ATXN7L2: variants seen among roughly 807,000 people sequenced by gnomAD.
ATXN7L2 encodes ataxin-7-like protein 2.
A neutral mutation model predicts 59.6 loss-of-function variants in ATXN7L2; 17 were observed. The observed-to-expected ratio is 0.29, with a 90% CI of 0.20 to 0.43. The LOEUF is 0.43. ATXN7L2 is among the 20% of genes least tolerant of loss of function. ATXN7L2 has a pLI of 1.00. For synonymous variants in ATXN7L2, 378 were observed against 392.5 expected (o/e 0.96, Z 0.44); for missense variants, 858 against 1,008.9 (o/e 0.85, Z 2.03).
chr1:109,490,470 C>G, intron 9 of ATXN7L2, 78 bp downstream of exon 9: 4 of 1,550,374 alleles, frequency 2.6e-6, no homozygotes, highest in Non-Finnish European at 3.5e-6. Flanking sequence ...TTCAGAAGCC[C>G]TGATCTTTCC....
At chr1:109,484,272 T>C (rs2101018061) in intron 1 of ATXN7L2, among the ~76,000 whole-genome samples, 192 bp downstream of exon 1, 1 of 151,838 alleles carries the variant, frequency 6.6e-6, no homozygotes, top group Middle Eastern at 3.5e-3. Context: ...TAGCGCCTGC[T>C]CACCGCTCGC....
At position 109,488,650 on chromosome 1, in the gene ATXN7L2, G is replaced by A. The variant is rs927548381; in HGVS notation, c.879+185G>A. Among the ~76,000 whole-genome samples the A allele has an allele frequency of 4.6e-5, 7 of 152,198 alleles. No homozygotes were observed. The highest frequency in any genetic ancestry group is 1.7e-4 in the African/African-American group (7 of 41,446). The stretch of plus-strand genomic sequence containing the variant: ...CAGAAGGTGGGAACAGTGGGAAGGA[G>A]GGAGTTTCCAGATTCCCCCATCCCA... On this transcript the variant is annotated intron_variant, in intron 6 of 10. Coordinates refer to ENST00000683729, the MANE Select transcript of ATXN7L2 (RefSeq NM_001350175.2). The surrounding 1 kb of genome is among the most constrained non-coding windows in gnomAD (Gnocchi z 5.0).
Position 109,486,272 on chromosome 1 carries a change from C to T in ATXN7L2, c.193+150C>T. On this transcript the variant is annotated intron_variant, in intron 2 of 10. Transcript: ENST00000683729. This position sits in a 1 kb window ranked among gnomAD's most constrained non-coding sequence, Gnocchi z 4.3. Reference sequence around the variant, plus strand: ...TCCGAGTCGGCCGGTTGTTCTGGCTCCTGTGACCTGTCGTTGGAGATCATA... The same window carrying T: ...TCCGAGTCGGCCGGTTGTTCTGGCTTCTGTGACCTGTCGTTGGAGATCATA... The T allele has an allele frequency of 1.6e-6, 2 of 1,247,866 alleles. No individual in the cohort carries two copies. Among genetic ancestry groups the T allele is most frequent in the Non-Finnish European group, 1.1e-6 (1 of 925,230 alleles). The allele number at this position is 1,247,866 out of a possible 1,614,324, so 77.3% of individuals were successfully genotyped here. A position where few individuals can be genotyped will look rare whatever the true frequency, so the allele number is the denominator to read the frequency against.
Position 109,490,970 on chromosome 1 carries a change from G to A in ATXN7L2, c.1503G>A (p.Pro501=), listed in dbSNP as rs139823213. Reference sequence around the variant, plus strand: ...CTCCAGCTCACCTTGTCAACTCCCCGTTATCTGCTCCCCTGAGCCCATCCT... The same window carrying A: ...CTCCAGCTCACCTTGTCAACTCCCCATTATCTGCTCCCCTGAGCCCATCCT... ...AEPPAHLVNS[P]LSAPLSPSST... is the part of the protein sequence containing the mutation. The change falls in exon 10 of 11, where the codon CCG becomes CCA. Residue 501 remains proline (P), a synonymous_variant. Transcript: ENST00000683729. The A allele has an allele frequency of 1.5e-4, 246 of 1,594,378 alleles. No individual in the cohort carries two copies. The highest frequency in any genetic ancestry group is 1.9e-4 in the Non-Finnish European group (224 of 1,168,998).
rs530559720 is a variant in ATXN7L2 at position 109,488,768 on chromosome 1, C to T, written c.880-79C>T. ...CTCTCTCCCTGCCCCCCAACTTGCCCGGGCCAAAGCACCCTGCCGTCCCTC... is the reference window on the plus strand; with the variant it reads ...CTCTCTCCCTGCCCCCCAACTTGCCTGGGCCAAAGCACCCTGCCGTCCCTC... On this transcript the variant is annotated intron_variant, in intron 6 of 10. Transcript: ENST00000683729. The surrounding 1 kb of genome is among the most constrained non-coding windows in gnomAD (Gnocchi z 5.0). The T allele has an allele frequency of 1.1e-3, 1,652 of 1,509,866 alleles. 7 individuals carry two copies. Among genetic ancestry groups the T allele is most frequent in the Non-Finnish European group, 9.7e-4 (1,079 of 1,112,772 alleles). The allele number at this position is 1,509,866 out of a possible 1,614,324, so 93.5% of individuals were successfully genotyped here. A position where few individuals can be genotyped will look rare whatever the true frequency, so the allele number is the denominator to read the frequency against.
At chr1:109,489,378 C>A (rs1173870338) in intron 7 of ATXN7L2, 5 of 483,946 alleles carry the variant, frequency 1.0e-5, no homozygotes, top group Non-Finnish European at 1.8e-5. Context: ...CGAAACTTGT[C>A]ACTGGGGAGC....
intron 7 of ATXN7L2, chr1:109,489,634 T>G: frequency 2.1e-6 from 1 of 485,534 alleles, no homozygotes. Context: ...CTGGGTACAG[T>G]TTTAACTGTG....
chr1:109,492,020 A>G lies in ATXN7L2; in HGVS notation c.2250+303A>G, dbSNP rs1023264345. 2.6e-6 allele frequency: 3 copies of G among 1,171,202 alleles called. No homozygotes were observed. In the African/African-American group the frequency reaches 4.7e-5, roughly 18 times the overall value. The allele number at this position is 1,171,202 out of a possible 1,614,324, so 72.6% of individuals were successfully genotyped here. On this transcript the variant is annotated intron_variant, in intron 10 of 10. Transcript: ENST00000683729. The stretch of plus-strand genomic sequence containing the variant: ...TCTTTCTGAATTGGCTGTGACCCTC[A>G]TTCCAGGTACTGGAGCTACCTCTGT...
chr1:109,491,776 C>T lies in ATXN7L2; in HGVS notation c.2250+59C>T. The T allele has an allele frequency of 6.8e-7, 1 of 1,469,400 alleles. No individual in the cohort carries two copies. The highest frequency in any genetic ancestry group is 9.1e-7 in the Non-Finnish European group (1 of 1,100,862). 91.0% of individuals were successfully genotyped at this position (1,469,400 alleles called of 1,614,324 possible). Reference sequence around the variant, plus strand: ...TGGGGCACACAGGGGGTACCTGATACAGAGAAGATGCTACATTGGTGTTTG... The same window carrying T: ...TGGGGCACACAGGGGGTACCTGATATAGAGAAGATGCTACATTGGTGTTTG... On this transcript the variant is annotated intron_variant, in intron 10 of 10. Transcript: ENST00000683729. The surrounding 1 kb of genome is among the most constrained non-coding windows in gnomAD (Gnocchi z 4.1).
chr1:109,486,632 A>G lies in ATXN7L2; in HGVS notation c.298+22A>G, dbSNP rs2101024958. On this transcript the variant is annotated intron_variant, in intron 3 of 10. Coordinates refer to ENST00000683729, the MANE Select transcript of ATXN7L2 (RefSeq NM_001350175.2). The surrounding 1 kb of genome is among the most constrained non-coding windows in gnomAD (Gnocchi z 4.3). ...TGCGGTGAGGGGAGCCCTAGGGAGGAGATAAAGGGACAGGGGAAGGTGGAG... is the reference window on the plus strand; with the variant it reads ...TGCGGTGAGGGGAGCCCTAGGGAGGGGATAAAGGGACAGGGGAAGGTGGAG... The G allele has an allele frequency of 6.3e-7, 1 of 1,589,442 alleles. No homozygotes were observed. The highest frequency in any genetic ancestry group is 2.2e-5 in the East Asian group (1 of 44,710).
chr1:109,484,183 C>T (rs1430521022), intron 1 of ATXN7L2, 103 bp downstream of exon 1: 4 of 1,150,992 alleles, frequency 3.5e-6, no homozygotes, highest in African/African-American at 3.3e-5. Flanking sequence ...AGCCGCCGTC[C>T]GGCTCCCCGG....
chr1:109,484,206 A>C, intron 1 of ATXN7L2, 126 bp downstream of exon 1: 2 of 1,028,702 alleles, frequency 1.9e-6, no homozygotes, highest in Non-Finnish European at 2.5e-6. Flanking sequence ...CCCCAAACAA[A>C]GGACCCGCCG....
chr1:109,489,449 C>T (rs1557871525), intron 7 of ATXN7L2: 3 of 355,018 alleles, frequency 8.5e-6, no homozygotes, highest in South Asian at 8.2e-5. Flanking sequence ...GGCCCCTTCG[C>T]GTGCAGAGGC....
rs1277122534 is a variant in ATXN7L2 at position 109,491,916 on chromosome 1, CT to C, written c.2250+200del. 2 of 1,218,508 alleles carry C rather than the reference CT, an allele frequency of 1.6e-6. No homozygotes were observed. Among genetic ancestry groups the C allele is most frequent in the Admixed American group, 3.0e-5 (1 of 33,754 alleles). The allele number at this position is 1,218,508 out of a possible 1,614,324, so 75.5% of individuals were successfully genotyped here. On this transcript the variant is annotated intron_variant, in intron 10 of 10. Coordinates refer to ENST00000683729, the MANE Select transcript of ATXN7L2 (RefSeq NM_001350175.2). This position sits in a 1 kb window ranked among gnomAD's most constrained non-coding sequence, Gnocchi z 4.1. ...AGCTTTTTGCCTGGTGAACCTTCCC[CT>C]ATCCCTAACCCTTTCCCTTGGGCTG...
rs1423328681 is a variant in ATXN7L2 at position 109,491,792 on chromosome 1, T to C, written c.2250+75T>C. 3 of 1,431,896 alleles carry C rather than the reference T, an allele frequency of 2.1e-6. No individual in the cohort carries two copies. The highest frequency in any genetic ancestry group is 1.4e-5 in the African/African-American group (1 of 69,670). The allele number at this position is 1,431,896 out of a possible 1,614,324, so 88.7% of individuals were successfully genotyped here. A position where few individuals can be genotyped will look rare whatever the true frequency, so the allele number is the denominator to read the frequency against. ...TACCTGATACAGAGAAGATGCTACATTGGTGTTTGTGCAGGGAAAGGGAGG... is the reference window on the plus strand; with the variant it reads ...TACCTGATACAGAGAAGATGCTACACTGGTGTTTGTGCAGGGAAAGGGAGG... On this transcript the variant is annotated intron_variant, in intron 10 of 10. Transcript: ENST00000683729. The surrounding 1 kb of genome is among the most constrained non-coding windows in gnomAD (Gnocchi z 4.1).
rs1243352597 is a variant in ATXN7L2, at chr1:109,489,990, C to G, written c.1194C>G (p.Asp398Glu). Residue 398 changes from aspartate to glutamate, a missense_variant, in exon 8 of 11, where the codon GAC (aspartate) becomes GAG (glutamate). By Grantham distance (45) the Asp-to-Glu change is conservative. Transcript: ENST00000683729. ...AAGGCCCCTGTGGTGGTGATGGGGA[C>G]CCAGGCCTGTTCCCCTTCCCCATGC... ...DDEGPCGGDGDPGLFPFPMPR... is the reference protein window; with the variant it reads ...DDEGPCGGDGEPGLFPFPMPR... 3 of 1,613,624 alleles carry G rather than the reference C, an allele frequency of 1.9e-6. No homozygotes were observed. Among genetic ancestry groups the G allele is most frequent in the Admixed American group, 3.3e-5 (2 of 59,958 alleles).
Position 109,490,891 on chromosome 1 carries a change from C to G in ATXN7L2, c.1455-31C>G, listed in dbSNP as rs753929376. 10 of 1,527,898 alleles carry G rather than the reference C, an allele frequency of 6.5e-6. No individual in the cohort carries two copies. In the African/African-American group the frequency reaches 1.4e-4, roughly 21 times the overall value. The allele number at this position is 1,527,898 out of a possible 1,614,324, so 94.6% of individuals were successfully genotyped here. ...TGGGGGAAGCTGTCTTGTTTCTTGGCAGTCACAGTGGGGCTTTCTTTTTGC... is the reference window on the plus strand; with the variant it reads ...TGGGGGAAGCTGTCTTGTTTCTTGGGAGTCACAGTGGGGCTTTCTTTTTGC... On this transcript the variant is annotated intron_variant, in intron 9 of 10. Transcript: ENST00000683729.
At chr1:109,485,810 G>C in intron 1 of ATXN7L2, 1 of 1,174,078 alleles carries the variant, frequency 8.5e-7, no homozygotes, top group Non-Finnish European at 1.1e-6. Flanking sequence ...TCTTAGTCCA[G>C]ATGCAGCAGG....
rs778333358 is a variant in ATXN7L2 at position 109,487,067 on chromosome 1, C to T, written c.359C>T (p.Pro120Leu). 2.5e-6 allele frequency: 4 copies of T among 1,613,350 alleles called. No homozygotes were observed. The South Asian group carries it at 4.4e-5, about 18-fold the overall frequency. The change falls in exon 4 of 11, where the codon CCT becomes CTT. Residue 120 changes from proline (P) to leucine (L), a missense_variant. Pro to Leu is a moderately conservative substitution (Grantham distance 98, BLOSUM62 -3). Transcript: ENST00000683729. ...YGRAPPPPPA[P>L]ASSQKCHVVN... Reference sequence around the variant, plus strand: ...CGGGCCCCACCCCCACCTCCAGCCCCTGCCAGCTCTCAGAAATGCCATGTA... The same window carrying T: ...CGGGCCCCACCCCCACCTCCAGCCCTTGCCAGCTCTCAGAAATGCCATGTA...
Sources: gnomAD v4.1 joint callset for allele counts (sites outside exome capture counted in the v4.1 genomes callset) on GRCh38, gnomAD v4.1.1 for gene constraint, Gnocchi (gnomAD v3.1) non-coding constraint, MANE v1.5 for transcripts, NCBI Gene and HGNC (gene_info 2026-07-23, HGNC 2026-07-21) for gene names.